Variants in MREG observed in about 807,000 individuals in gnomAD.
MREG encodes melanoregulin, also known as dilute suppressor protein homolog.
In MREG, 31 loss-of-function variants were observed where a neutral mutation model predicts 28.5. The observed-to-expected ratio is 1.09, with a 90% confidence interval of 0.82 to 1.47. The LOEUF is 1.47. Ranked by LOEUF, MREG falls within the 40% of genes most tolerant of loss-of-function variation. The pLI is 0.00. For missense variants in MREG, 256 were observed against 257.4 expected, an observed-to-expected ratio of 0.99 and a Z score of 0.04; for synonymous variants, 106 against 95.2, an observed-to-expected ratio of 1.11 and a Z score of -0.66.
chr2:215,943,509 G>A lies in MREG; in HGVS notation c.*1354C>T. 2.2e-6 allele frequency: 1 copy of A among 456,594 alleles called. No individual in the cohort carries two copies. The allele number at this position is 456,594 out of a possible 1,614,324, so 28.3% of individuals were successfully genotyped here. ...TGAAAGAGGAGAGAAGAAAACAGAGGTCAAACACTTCAGTTTACAGATGCT... is the reference window on the plus strand; with the variant it reads ...TGAAAGAGGAGAGAAGAAAACAGAGATCAAACACTTCAGTTTACAGATGCT... On this transcript the variant is annotated 3_prime_UTR_variant, in exon 5 of 5. Transcript: ENST00000263268.
At chr2:215,962,545 T>A (rs1574604387) in intron 2 of MREG, among the ~76,000 whole-genome samples, 2 of 152,120 alleles carry the variant, frequency 1.3e-5, no homozygotes, top group South Asian at 4.1e-4. Context: ...TTCCTGCCCG[T>A]GGATAGAAAA....
At position 215,944,642 on chromosome 2, in the gene MREG, C is replaced by G; in HGVS notation, c.*221G>C. 2.6e-6 allele frequency: 1 copy of G among 390,192 alleles called. No individual in the cohort carries two copies. The highest frequency in any genetic ancestry group is 4.5e-6 in the Non-Finnish European group (1 of 220,204). The allele number at this position is 390,192 out of a possible 1,614,324, so 24.2% of individuals were successfully genotyped here. A position where few individuals can be genotyped will look rare whatever the true frequency, so the allele number is the denominator to read the frequency against. On this transcript the variant is annotated 3_prime_UTR_variant, in exon 5 of 5. Coordinates refer to ENST00000263268, the MANE Select transcript of MREG (RefSeq NM_018000.3). ...ACTATCCATCTGACCAACTCTTTAACTTTCTTCCTAAATATGAGATCACCA... is the reference window on the plus strand; with the variant it reads ...ACTATCCATCTGACCAACTCTTTAAGTTTCTTCCTAAATATGAGATCACCA...
At chr2:216,011,045 G>A (rs932182278) in intron 1 of MREG, among the ~76,000 whole-genome samples, 4 of 145,396 alleles carry the variant, frequency 2.8e-5, no homozygotes, top group African/African-American at 7.7e-5. Flanking sequence ...GCAGTGAGCC[G>A]AGATCATGCC....
At chr2:215,973,642 C>G (rs1478028285) in intron 2 of MREG, among the ~76,000 whole-genome samples, 1 of 152,154 alleles carries the variant, frequency 6.6e-6, no homozygotes, top group Admixed American at 6.5e-5. Flanking sequence ...TCTACCACTT[C>G]AACCTGTTTT....
chr2:215,968,685 GAA>G (rs1693009829), intron 2 of MREG, among the ~76,000 whole-genome samples: 1 of 152,136 alleles, frequency 6.6e-6, no homozygotes, highest in Non-Finnish European at 1.5e-5. Flanking sequence ...CCAGTCCTTT[GAA>G]AAACTAATTT....
At chr2:215,965,933 T>C (rs1199290871) in intron 2 of MREG, among the ~76,000 whole-genome samples, 2 of 152,222 alleles carry the variant, frequency 1.3e-5, no homozygotes, top group Non-Finnish European at 2.9e-5. Context: ...AAAAACCTTG[T>C]CTACTGAATG....
At chr2:215,942,139 G>A (rs941041918), downstream of MREG, among the ~76,000 whole-genome samples, 1 of 152,060 alleles carries the variant, frequency 6.6e-6, no homozygotes, top group Non-Finnish European at 1.5e-5. Flanking sequence ...TGATCTACTG[G>A]TTAGAGGGTT....
chr2:216,011,180 T>C (rs1306502370), intron 1 of MREG, among the ~76,000 whole-genome samples: 1 of 152,070 alleles, frequency 6.6e-6, no homozygotes, highest in Non-Finnish European at 1.5e-5. Context: ...TTTAAAAAAT[T>C]TTTAAATCAA....
At chr2:216,004,939 T>G (rs1694110742) in intron 1 of MREG, among the ~76,000 whole-genome samples, 1 of 152,064 alleles carries the variant, frequency 6.6e-6, no homozygotes, top group Non-Finnish European at 1.5e-5. Context: ...GAAGGAGTTA[T>G]CCACACAGAA....
chr2:215,992,121 G>C (rs980007879), intron 2 of MREG, among the ~76,000 whole-genome samples: 1 of 152,214 alleles, frequency 6.6e-6, no homozygotes, highest in African/African-American at 2.4e-5. Context: ...CAATCTCCCT[G>C]ATGAACATCA....
chr2:216,031,457 G>GAGAAAGAA (rs1274456248), intron 1 of MREG, among the ~76,000 whole-genome samples: 13 of 117,858 alleles, frequency 1.1e-4, no homozygotes, highest in African/African-American at 3.2e-4. Context: ...GAAAGAAAGA[G>GAGAAAGAA]AGAAAGAAAG....
In MREG at chr2:216,031,441, GAA is replaced by G. The variant is rs752031220; in HGVS notation, c.-68+1346_-68+1347del. On this transcript the variant is annotated intron_variant, in intron 1 of 3. Transcript: ENST00000420348. Reference sequence around the variant, plus strand: ...GGAAGAAAGAAAGAAAAGAAAGAAAGAAAAAGAAAGAAAGAGAGAAAGAAAGA... The same window carrying G: ...GGAAGAAAGAAAGAAAAGAAAGAAAGAAAGAAAGAAAGAGAGAAAGAAAGA... Among the ~76,000 whole-genome samples the G allele has an allele frequency of 8.0e-3, 953 of 119,096 alleles. 5 individuals carry two copies. Among genetic ancestry groups the G allele is most frequent in the African/African-American group, 0.025 (781 of 31,136 alleles). 78.1% of individuals were successfully genotyped at this position (119,096 alleles called of 152,430 possible). A position where few individuals can be genotyped will look rare whatever the true frequency, so the allele number is the denominator to read the frequency against.
chr2:215,962,406 T>TG (rs1183598796), intron 2 of MREG, among the ~76,000 whole-genome samples: 1 of 152,150 alleles, frequency 6.6e-6, no homozygotes, highest in Non-Finnish European at 1.5e-5. Context: ...AGGGGAGGGG[T>TG]GGGGCTTGCC....
At chr2:215,953,323 T>C (rs1692535918) in intron 2 of MREG, among the ~76,000 whole-genome samples, 1 of 152,250 alleles carries the variant, frequency 6.6e-6, no homozygotes, top group African/African-American at 2.4e-5. Context: ...TTTGGCTGTA[T>C]ATTAGAATCA....
upstream of MREG, among the ~76,000 whole-genome samples, chr2:216,017,755 A>G (rs1475003129): frequency 6.6e-6 from 1 of 152,184 alleles, no homozygotes; most frequent in African/African-American, 2.4e-5. Context: ...GTTTGAAAAC[A>G]ACTAGTAGAA....
In MREG at chr2:216,009,321, T is replaced by C. The variant is rs560859728; in HGVS notation, c.95+3912A>G. Reference sequence around the variant, plus strand: ...TGGGAGATATTCTAAACAGTGAAATTGCCAGCTAAAGTACAAAAATGCAAA... The same window carrying C: ...TGGGAGATATTCTAAACAGTGAAATCGCCAGCTAAAGTACAAAAATGCAAA... On this transcript the variant is annotated intron_variant, in intron 1 of 4. Coordinates refer to ENST00000263268, the MANE Select transcript of MREG (RefSeq NM_018000.3). Among the ~76,000 whole-genome samples, 6 of 151,940 alleles carry C rather than the reference T, an allele frequency of 3.9e-5. No individual in the cohort carries two copies. In the East Asian group the frequency reaches 9.7e-4, roughly 25 times the overall value.
chr2:215,996,519 T>A (rs1463791325), intron 1 of MREG, 54 bp from the exon 2 acceptor site: 2 of 1,314,348 alleles, frequency 1.5e-6, no homozygotes, highest in Non-Finnish European at 2.2e-6. Flanking sequence ...TAAAATGTTA[T>A]ATGTCATATG....
chr2:215,989,047 G>A (rs1463074477), intron 2 of MREG, among the ~76,000 whole-genome samples: 2 of 151,900 alleles, frequency 1.3e-5, no homozygotes, highest in Admixed American at 1.3e-4. Context: ...GCTCTGCTAA[G>A]GGACAGACTG....
At chr2:216,026,988 C>G (rs1053707076) in intron 1 of MREG, among the ~76,000 whole-genome samples, 1 of 152,154 alleles carries the variant, frequency 6.6e-6, no homozygotes, top group African/African-American at 2.4e-5. Context: ...TAACTTCTGT[C>G]TACATGTAAA....
Sources: gnomAD v4.1 joint callset for allele counts (sites outside exome capture counted in the v4.1 genomes callset) on GRCh38, gnomAD v4.1.1 for gene constraint, MANE v1.5 for transcripts, NCBI Gene and HGNC (gene_info 2026-07-23, HGNC 2026-07-21) for gene names.